The following STPG2 variants were observed in gnomAD, a reference collection of about 807,000 sequenced individuals.
STPG2 encodes sperm-tail PG-rich repeat-containing protein 2.
Under a neutral mutation model 54.2 loss-of-function variants are expected in STPG2, and 56 were observed. The observed-to-expected ratio is 1.03, with a 90% CI of 0.83 to 1.29. The LOEUF (loss-of-function observed/expected upper bound fraction) is 1.29, where lower values mean the gene tolerates loss of function less well. STPG2 is among the 50% of genes most tolerant of loss of function. The pLI, the probability that STPG2 is intolerant of heterozygous loss-of-function variation, is 0.00. For missense variants in STPG2, 596 were observed against 544.9 expected, an observed-to-expected ratio of 1.09 and a Z score of -0.93; for synonymous variants, 200 against 181.8, an observed-to-expected ratio of 1.10 and a Z score of -0.81.
intron 8 of STPG2, among the ~76,000 whole-genome samples, chr4:97,876,202 C>A (rs1013890826): frequency 6.6e-6 from 1 of 151,950 alleles, no homozygotes; most frequent in Non-Finnish European, 1.5e-5. Context: ...AGAAGAAAAT[C>A]CCCTTAAGTA....
chr4:97,804,190 C>T (rs553978642), intron 9 of STPG2, among the ~76,000 whole-genome samples: 30 of 152,226 alleles, frequency 2.0e-4, no homozygotes, highest in East Asian at 5.8e-4. Context: ...TTTAATCTAA[C>T]GTAATCTACA....
intron 7 of STPG2, among the ~76,000 whole-genome samples, chr4:97,944,977 G>C (rs1270165152): frequency 1.3e-5 from 2 of 152,126 alleles, no homozygotes; most frequent in African/African-American, 2.4e-5. Context: ...GAAAGCCTTT[G>C]AATATAGAAC....
chr4:97,890,566 G>T (rs1331894215), intron 8 of STPG2, among the ~76,000 whole-genome samples: 1 of 151,844 alleles, frequency 6.6e-6, no homozygotes, highest in Non-Finnish European at 1.5e-5. Context: ...AGAGAAGTTG[G>T]TGACGGGGTA....
chr4:97,795,004 A>T (rs1050349712), intron 9 of STPG2, among the ~76,000 whole-genome samples: 1 of 152,148 alleles, frequency 6.6e-6, no homozygotes, highest in African/African-American at 2.4e-5. Flanking sequence ...CAGAAAAAAA[A>T]TACAGCCACT....
chr4:97,854,923 C>A (rs1729285035), intron 8 of STPG2, among the ~76,000 whole-genome samples: 1 of 152,146 alleles, frequency 6.6e-6, no homozygotes, highest in South Asian at 2.1e-4. Context: ...TCCAACAAGG[C>A]CCCAGTGTGT....
intron 9 of STPG2, among the ~76,000 whole-genome samples, chr4:97,835,273 A>G (rs1298966339): frequency 6.6e-6 from 1 of 152,130 alleles, no homozygotes; most frequent in Non-Finnish European, 1.5e-5. Flanking sequence ...ATGCCATGGC[A>G]ATGTCATAAA....
At chr4:97,647,088 A>G (rs1408650887) in intron 10 of STPG2, among the ~76,000 whole-genome samples, 1 of 152,132 alleles carries the variant, frequency 6.6e-6, no homozygotes, top group East Asian at 1.9e-4. Context: ...TCTATCACCC[A>G]CTAAAACATA....
intron 9 of STPG2, among the ~76,000 whole-genome samples, chr4:97,791,205 T>C (rs1196030102): frequency 6.6e-6 from 1 of 152,162 alleles, no homozygotes; most frequent in Non-Finnish European, 1.5e-5. Flanking sequence ...TTTTGAACTT[T>C]TTCCCACACT....
chr4:97,864,367 G>C (rs1729679936), intron 8 of STPG2, among the ~76,000 whole-genome samples: 1 of 152,022 alleles, frequency 6.6e-6, no homozygotes, highest in Non-Finnish European at 1.5e-5. Flanking sequence ...AAAATACCTA[G>C]GAATCCAACT....
At chr4:97,489,120 C>T (rs1190347056) in intron 4 of STPG2, among the ~76,000 whole-genome samples, 2 of 151,636 alleles carry the variant, frequency 1.3e-5, no homozygotes, top group East Asian at 1.9e-4. Context: ...TTTCCCTGCA[C>T]GAGCTCTCTC....
intron 8 of STPG2, among the ~76,000 whole-genome samples, chr4:97,906,460 C>T (rs1424910026): frequency 3.9e-5 from 6 of 152,192 alleles, no homozygotes; most frequent in Non-Finnish European, 5.9e-5. Flanking sequence ...GGTACCATTC[C>T]TTCTGAAACT....
At chr4:97,861,139 C>A (rs1208774880) in intron 8 of STPG2, among the ~76,000 whole-genome samples, 1 of 152,024 alleles carries the variant, frequency 6.6e-6, no homozygotes, top group Non-Finnish European at 1.5e-5. Flanking sequence ...TCAAACAACT[C>A]TATAGGAAAA....
downstream of STPG2, among the ~76,000 whole-genome samples, chr4:97,556,403 T>C (rs1456527452): frequency 6.6e-6 from 1 of 152,176 alleles, no homozygotes; most frequent in Non-Finnish European, 1.5e-5. Flanking sequence ...TATAAGAAAA[T>C]GTGTTAAAAC....
At chr4:97,640,351 T>C (rs1721724369) in intron 10 of STPG2, among the ~76,000 whole-genome samples, 1 of 152,086 alleles carries the variant, frequency 6.6e-6, no homozygotes, top group Non-Finnish European at 1.5e-5. Flanking sequence ...ATATTACATA[T>C]ATATTTTTTT....
At chr4:97,567,740 A>G (rs905680047) in intron 10 of STPG2, among the ~76,000 whole-genome samples, 14 of 152,056 alleles carry the variant, frequency 9.2e-5, no homozygotes, top group Non-Finnish European at 1.8e-4. Flanking sequence ...GACAAAAGAT[A>G]TATTGTATAT....
At chr4:97,937,075 C>T (rs979035271) in intron 8 of STPG2, among the ~76,000 whole-genome samples, 2 of 151,930 alleles carry the variant, frequency 1.3e-5, no homozygotes, top group Non-Finnish European at 2.9e-5. Flanking sequence ...TTGTTTGTTC[C>T]TTTTAATTCT....
chr4:97,985,897 TACACGC>T (rs1165347532), intron 5 of STPG2, among the ~76,000 whole-genome samples: 1 of 152,112 alleles, frequency 6.6e-6, no homozygotes, highest in East Asian at 1.9e-4. Context: ...AGGGTACACA[TACACGC>T]ACATGCATGC....
chr4:97,509,628 GA>G (rs1176498096), intron 4 of STPG2, among the ~76,000 whole-genome samples: 1 of 152,094 alleles, frequency 6.6e-6, no homozygotes, highest in East Asian at 1.9e-4. Context: ...GTTACTCACG[GA>G]AATTGATTTT....
At chr4:97,767,753 T>G (rs562405238) in intron 9 of STPG2, among the ~76,000 whole-genome samples, 5 of 152,204 alleles carry the variant, frequency 3.3e-5, no homozygotes, top group African/African-American at 1.2e-4. Flanking sequence ...ACACAAAAAT[T>G]AGTGTTTGAT....
Sources: allele counts gnomAD v4.1 joint callset (sites outside exome capture counted in the v4.1 genomes callset), GRCh38; gene constraint gnomAD v4.1.1; transcripts MANE v1.5; gene names NCBI Gene and HGNC (gene_info 2026-07-23, HGNC 2026-07-21).